The following MYL12B variants were observed in gnomAD, a reference collection of about 807,000 sequenced individuals.
The protein encoded by MYL12B is myosin regulatory light chain 12B.
A neutral mutation model predicts 12.9 loss-of-function variants in MYL12B; 3 were observed. The observed-to-expected ratio is 0.23, with a 90% confidence interval of 0.11 to 0.60. The LOEUF is 0.60. Ranked by LOEUF, MYL12B falls within the 20% of genes least tolerant of loss-of-function variation. MYL12B has a pLI of 0.89. For synonymous variants in MYL12B, 57 were observed against 71.9 expected, an observed-to-expected ratio of 0.79 and a Z score of 1.05; for missense variants, 120 against 215.4, an observed-to-expected ratio of 0.56 and a Z score of 2.77.
intron 1 of MYL12B, among the ~76,000 whole-genome samples, chr18:3,264,346 C>T (rs1429581286): frequency 6.6e-6 from 1 of 152,086 alleles, no homozygotes; most frequent in Non-Finnish European, 1.5e-5. Flanking sequence ...ATTTGAGCAC[C>T]TGCCATGTGC....
rs547330854 is a variant in MYL12B, at chr18:3,270,238, G to A, written c.-15-2646G>A. Among the ~76,000 whole-genome samples the A allele has an allele frequency of 5.3e-5, 8 of 152,214 alleles. 1 individual carries two copies. In the East Asian group the frequency reaches 1.5e-3, roughly 29 times the overall value. On this transcript the variant is annotated intron_variant, in intron 1 of 3. Transcript: ENST00000237500. ...AGATTGATTATTTTGATGCAACTTTGCCTCACTTTTCAGCTGATACTGTAT... is the reference window on the plus strand; with the variant it reads ...AGATTGATTATTTTGATGCAACTTTACCTCACTTTTCAGCTGATACTGTAT...
intron 1 of MYL12B, among the ~76,000 whole-genome samples, chr18:3,269,787 C>G (rs940046128): frequency 6.6e-6 from 1 of 152,158 alleles, no homozygotes; most frequent in African/African-American, 2.4e-5. Flanking sequence ...AGATAAACAT[C>G]TAAGAGGAAA....
chr18:3,262,722 G>A (rs910160289), intron 1 of MYL12B: 94 of 152,530 alleles, frequency 6.2e-4, no homozygotes, highest in Non-Finnish European at 4.5e-4. Flanking sequence ...GCTTTGGAGG[G>A]TGGAGGAGCC....
Position 3,277,908 on chromosome 18 carries a change from A to C in MYL12B, c.490A>C (p.Lys164Gln), listed in dbSNP as rs1010172054. ...FNYIEFTRIL[K>Q]HGAKDKDD ...TTACATCGAGTTCACACGCATCCTG[A>C]AACATGGAGCCAAAGACAAAGATGA... Residue 164 changes from lysine (K) to glutamine (Q), a missense_variant, in exon 4 of 4, where the codon AAA becomes CAA. By Grantham distance (53) the Lys-to-Gln change is moderately conservative. Coordinates refer to ENST00000237500, the MANE Select transcript of MYL12B (RefSeq NM_033546.4). The C allele has an allele frequency of 1.2e-6, 2 of 1,614,020 alleles. No homozygotes were observed. Among genetic ancestry groups the C allele is most frequent in the Non-Finnish European group, 1.7e-6 (2 of 1,179,960 alleles).
chr18:3,272,353 A>G (rs1467710594), intron 1 of MYL12B: 1 of 153,438 alleles, frequency 6.5e-6, no homozygotes, highest in Non-Finnish European at 1.4e-5. Context: ...AGTCTTTGTC[A>G]GAGTAAGAAA....
intron 2 of MYL12B, 51 bp downstream of exon 2, chr18:3,273,133 C>T (rs1433234018): frequency 8.1e-6 from 12 of 1,487,928 alleles, no homozygotes; most frequent in East Asian, 2.3e-5. Flanking sequence ...TAATTTGTCT[C>T]TTTATGAATC....
chr18:3,276,546 T>TA, intron 2 of MYL12B: 1 of 985,336 alleles, frequency 1.0e-6, no homozygotes, highest in South Asian at 4.7e-5. Flanking sequence ...TGTTTGAAGA[T>TA]ATCTAACATT....
intron 1 of MYL12B, among the ~76,000 whole-genome samples, chr18:3,265,739 C>T (rs1255636384): frequency 1.3e-5 from 2 of 152,040 alleles, no homozygotes; most frequent in East Asian, 1.9e-4. Context: ...TTTGAGACTC[C>T]AATTAGAAAG....
chr18:3,271,580 CA>C (rs1276324395), intron 1 of MYL12B, among the ~76,000 whole-genome samples: 1 of 152,144 alleles, frequency 6.6e-6, no homozygotes, highest in African/African-American at 2.4e-5. Flanking sequence ...TTTCTGACAG[CA>C]GTTTCAAGTT....
At chr18:3,270,958 C>G (rs2081673592) in intron 1 of MYL12B, among the ~76,000 whole-genome samples, 1 of 152,168 alleles carries the variant, frequency 6.6e-6, no homozygotes, top group South Asian at 2.1e-4. Context: ...AGGTGTGAGC[C>G]ACCGCACCCG....
rs745305853 is a variant in MYL12B, at chr18:3,277,837, A to T, written c.419A>T (p.Asp140Val). ...MGDRFTDEEV[D>V]ELYREAPIDK... ...GATCGGTTTACAGATGAGGAAGTGG[A>T]TGAGCTGTACAGAGAAGCACCTATT... The change falls in exon 4 of 4, where the codon GAT becomes GTT. Residue 140 changes from aspartate (D) to valine (V), a missense_variant. Asp to Val is a radical substitution (Grantham distance 152). Transcript: ENST00000237500. The T allele has an allele frequency of 6.2e-7, 1 of 1,614,138 alleles. No homozygotes were observed. The highest frequency in any genetic ancestry group is 8.5e-7 in the Non-Finnish European group (1 of 1,180,006).
At chr18:3,269,199 A>G (rs1199035883) in intron 1 of MYL12B, among the ~76,000 whole-genome samples, 1 of 152,218 alleles carries the variant, frequency 6.6e-6, no homozygotes, top group African/African-American at 2.4e-5. Context: ...TTTATCCTTT[A>G]GAAAGTGGAG....
Position 3,277,347 on chromosome 18 carries a change from G to A in MYL12B, c.279G>A (p.Lys93=), listed in dbSNP as rs1340543459. The A allele has an allele frequency of 6.2e-7, 1 of 1,614,084 alleles. No homozygotes were observed. Among genetic ancestry groups the A allele is most frequent in the South Asian group, 1.1e-5 (1 of 91,086 alleles). The change falls in exon 3 of 4, where the codon AAG becomes AAA. Residue 93 remains lysine (K), a synonymous_variant. Transcript: ENST00000237500. The part of the protein sequence containing the change: ...FTMFLTMFGE[K]LNGTDPEDVI... ...TGTTCCTGACCATGTTTGGTGAGAA[G>A]TTAAATGGCACAGATCCTGAAGATG...
intron 1 of MYL12B, among the ~76,000 whole-genome samples, chr18:3,268,537 G>A (rs1785259): frequency 0.032 from 4,882 of 152,242 alleles, 261 homozygotes; most frequent in African/African-American, 0.11. Context: ...TCCAGGGAGT[G>A]CCACTCACAT....
intron 2 of MYL12B, among the ~76,000 whole-genome samples, chr18:3,275,790 C>T (rs986463111): frequency 2.0e-5 from 3 of 151,988 alleles, no homozygotes; most frequent in Middle Eastern, 3.4e-3. Flanking sequence ...CCAAAAAATG[C>T]TGCAAGTGAG....
chr18:3,272,897 C>T lies in MYL12B; in HGVS notation c.-2C>T. 6.3e-7 allele frequency: 1 copy of T among 1,588,446 alleles called. No individual in the cohort carries two copies. The highest frequency in any genetic ancestry group is 1.1e-5 in the South Asian group (1 of 87,914). On this transcript the variant is annotated 5_prime_UTR_variant, in exon 2 of 4. Transcript: ENST00000237500. ...TTTTTAATCCAGAATTAAACAACCACCATGTCGAGCAAAAAGGCAAAGACC... is the reference window on the plus strand; with the variant it reads ...TTTTTAATCCAGAATTAAACAACCATCATGTCGAGCAAAAAGGCAAAGACC...
At chr18:3,270,449 T>C (rs563902839) in intron 1 of MYL12B, among the ~76,000 whole-genome samples, 91 of 152,258 alleles carry the variant, frequency 6.0e-4, no homozygotes, top group African/African-American at 2.1e-3. Context: ...TTTCCTTCTC[T>C]TGGGTGTCAC....
intron 1 of MYL12B, among the ~76,000 whole-genome samples, chr18:3,269,231 G>A (rs1210507499): frequency 2.0e-5 from 3 of 152,178 alleles, no homozygotes; most frequent in African/African-American, 7.2e-5. Flanking sequence ...ATTTTAAAAA[G>A]TGGAATGATG....
At position 3,271,343 on chromosome 18, in the gene MYL12B, A is replaced by G. The variant is rs145052857; in HGVS notation, c.-15-1541A>G. The stretch of plus-strand genomic sequence containing the variant: ...GTTGGAATGTTAGAGTAAGGACTGT[A>G]AGGCTGGTGTACTTCAAAACAACAC... On this transcript the variant is annotated intron_variant, in intron 1 of 3. Transcript: ENST00000237500. Among the ~76,000 whole-genome samples, 367 of 152,298 alleles carry G rather than the reference A, an allele frequency of 2.4e-3. 1 individual carries two copies. Among genetic ancestry groups the G allele is most frequent in the African/African-American group, 8.2e-3 (341 of 41,558 alleles).
Sources: gnomAD v4.1 joint callset for allele counts (sites outside exome capture counted in the v4.1 genomes callset) on GRCh38, gnomAD v4.1.1 for gene constraint, MANE v1.5 for transcripts, NCBI Gene and HGNC (gene_info 2026-07-23, HGNC 2026-07-21) for gene names.